DNAI4: variants seen among roughly 807,000 people sequenced by gnomAD.
The protein encoded by DNAI4 is WD repeat domain 78.
A neutral mutation model predicts 105.8 loss-of-function variants in DNAI4; 85 were observed. The observed-to-expected ratio is 0.80, with a 90% CI of 0.67 to 0.96. The LOEUF (loss-of-function observed/expected upper bound fraction) is 0.96. Among genes scored for constraint, DNAI4 ranks in the 40% least tolerant of loss-of-function variants. DNAI4 has a pLI of 0.00. For missense variants in DNAI4, 1,014 were observed against 1,005.6 expected, an observed-to-expected ratio of 1.01 and a Z score of -0.11; for synonymous variants, 352 against 331.5, an observed-to-expected ratio of 1.06 and a Z score of -0.67.
At chr1:66,914,310 T>C (rs114693866) in intron 1 of DNAI4, among the ~76,000 whole-genome samples, 1 of 152,242 alleles carries the variant, frequency 6.6e-6, no homozygotes, top group Non-Finnish European at 1.5e-5. Context: ...AAGTCCTCTT[T>C]TTCTCTATTT....
intron 16 of DNAI4, among the ~76,000 whole-genome samples, chr1:66,820,175 C>A (rs896108489): frequency 6.6e-6 from 1 of 151,762 alleles, no homozygotes. Flanking sequence ...TGTTTAATAT[C>A]ATGAAAAAGC....
intron 8 of DNAI4, among the ~76,000 whole-genome samples, chr1:66,845,993 T>A (rs924317027): frequency 6.6e-6 from 1 of 152,188 alleles, no homozygotes; most frequent in African/African-American, 2.4e-5. Flanking sequence ...TATTTTTATA[T>A]ACAATTTAAA....
intron 7 of DNAI4, among the ~76,000 whole-genome samples, chr1:66,853,560 T>C (rs1159657043): frequency 2.0e-5 from 3 of 152,144 alleles, no homozygotes; most frequent in Non-Finnish European, 2.9e-5. Flanking sequence ...GTTAAACAAA[T>C]TTCCAACAAG....
At chr1:66,893,073 GAA>G (rs1272121042) in intron 3 of DNAI4, among the ~76,000 whole-genome samples, 154 bp downstream of exon 3, 7 of 135,956 alleles carry the variant, frequency 5.1e-5, no homozygotes, top group African/African-American at 2.1e-4. Context: ...GAGAAAGAAA[GAA>G]AGAAAGAAAG....
chr1:66,846,349 A>C (rs553110224), intron 8 of DNAI4, among the ~76,000 whole-genome samples: 66 of 152,272 alleles, frequency 4.3e-4, no homozygotes, highest in African/African-American at 1.5e-3. Flanking sequence ...TTTCTTTTTA[A>C]ATGTAACCAT....
intron 8 of DNAI4, among the ~76,000 whole-genome samples, chr1:66,843,115 G>A (rs1192101063): frequency 6.7e-6 from 1 of 148,432 alleles, no homozygotes; most frequent in Non-Finnish European, 1.5e-5. Context: ...CAGGAGGATC[G>A]CTTGAGCCAG....
At chr1:66,874,641 G>T in intron 5 of DNAI4, 140 bp downstream of exon 5, 2 of 598,464 alleles carry the variant, frequency 3.3e-6, no homozygotes, top group Admixed American at 3.5e-5. Flanking sequence ...ATATAATTTT[G>T]TAGGGAATAT....
At chr1:66,825,861 A>C (rs529213629) in intron 15 of DNAI4, among the ~76,000 whole-genome samples, 25 of 152,326 alleles carry the variant, frequency 1.6e-4, no homozygotes, top group Non-Finnish European at 2.9e-4. Flanking sequence ...AAATCCATTG[A>C]ATTTGACATC....
chr1:66,877,171 T>C (rs1238679904), intron 4 of DNAI4, among the ~76,000 whole-genome samples: 1 of 152,188 alleles, frequency 6.6e-6, no homozygotes, highest in Non-Finnish European at 1.5e-5. Context: ...TTAGCTTCAA[T>C]GGGCCCAATA....
chr1:66,897,421 A>G (rs1322564729), intron 2 of DNAI4, among the ~76,000 whole-genome samples: 7 of 152,236 alleles, frequency 4.6e-5, no homozygotes, highest in Admixed American at 4.6e-4. Flanking sequence ...CCATGTAAAG[A>G]ATGAACCAAG....
intron 1 of DNAI4, among the ~76,000 whole-genome samples, chr1:66,910,188 G>A (rs1649552581): frequency 6.6e-6 from 1 of 151,780 alleles, no homozygotes; most frequent in African/African-American, 2.4e-5. Context: ...ACTCCAGCCT[G>A]GGCAACAGAG....
In DNAI4 at chr1:66,827,859, A is replaced by G; in HGVS notation, c.2065T>C (p.Ser689Pro). The change falls in exon 14 of 17, where the codon TCT (serine) becomes CCT (proline). Residue 689 changes from serine to proline, a missense_variant. By Grantham distance (74) the Ser-to-Pro change is moderately conservative. Coordinates refer to ENST00000371026, the MANE Select transcript of DNAI4 (RefSeq NM_024763.5). ...AAGTATTGTTCATTATATGAACAAGAACATTTGTGAATATGACCTTCTTCA... is the reference window on the plus strand; with the variant it reads ...AAGTATTGTTCATTATATGAACAAGGACATTTGTGAATATGACCTTCTTCA... ...GTEEGHIHKC[S>P]CSYNEQYLDT... is the part of the protein sequence containing the mutation. 1 of 1,608,684 alleles carries G rather than the reference A, an allele frequency of 6.2e-7. No homozygotes were observed. Among genetic ancestry groups the G allele is most frequent in the Non-Finnish European group, 8.5e-7 (1 of 1,177,590 alleles).
chr1:66,908,630 T>C (rs1649430067), intron 1 of DNAI4, among the ~76,000 whole-genome samples: 1 of 152,212 alleles, frequency 6.6e-6, no homozygotes, highest in South Asian at 2.1e-4. Context: ...AGACTAACTA[T>C]ACCCTAAATT....
chr1:66,887,290 T>C (rs1647241447), intron 4 of DNAI4, among the ~76,000 whole-genome samples: 1 of 152,240 alleles, frequency 6.6e-6, no homozygotes, highest in African/African-American at 2.4e-5. Flanking sequence ...TCTATCTCTC[T>C]AGATCTTAAG....
chr1:66,898,804 C>T (rs1648556850), intron 2 of DNAI4, among the ~76,000 whole-genome samples: 3 of 152,156 alleles, frequency 2.0e-5, no homozygotes, highest in Admixed American at 2.0e-4. Flanking sequence ...CAGCCCTACG[C>T]CACCACTAGT....
At chr1:66,859,285 C>A (rs558308598) in intron 7 of DNAI4, among the ~76,000 whole-genome samples, 1 of 152,012 alleles carries the variant, frequency 6.6e-6, no homozygotes, top group Non-Finnish European at 1.5e-5. Context: ...TGGCTACAAT[C>A]CAAAAAAACT....
chr1:66,880,197 G>T (rs1647039066), intron 4 of DNAI4, among the ~76,000 whole-genome samples: 1 of 152,166 alleles, frequency 6.6e-6, no homozygotes, highest in South Asian at 2.1e-4. Flanking sequence ...CCAAGTCTCA[G>T]GTATGTCTTT....
chr1:66,892,983 AAGAAAG>A (rs1181212558), intron 3 of DNAI4, among the ~76,000 whole-genome samples: 1 of 132,074 alleles, frequency 7.6e-6, no homozygotes, highest in African/African-American at 3.3e-5. Flanking sequence ...GAAAGAAAGA[AAGAAAG>A]AAAGAAAGAG....
At chr1:66,849,372 T>C (rs1363598840) in intron 7 of DNAI4, among the ~76,000 whole-genome samples, 2 of 152,134 alleles carry the variant, frequency 1.3e-5, no homozygotes, top group Non-Finnish European at 2.9e-5. Flanking sequence ...TATAGACTTC[T>C]ACTCCCGCCT....
Sources: gnomAD v4.1 joint callset for allele counts (sites outside exome capture counted in the v4.1 genomes callset) on GRCh38, gnomAD v4.1.1 for gene constraint, MANE v1.5 for transcripts, NCBI Gene and HGNC (gene_info 2026-07-23, HGNC 2026-07-21) for gene names.